The following FNIP1 variants were observed in gnomAD, a reference collection of about 807,000 sequenced individuals.
FNIP1 encodes the protein folliculin-interacting protein 1.
In FNIP1, 40 loss-of-function variants were observed where a neutral mutation model predicts 124.5. The observed-to-expected ratio is 0.32, with a 90% CI of 0.25 to 0.42. FNIP1 has a LOEUF of 0.42. FNIP1 is among the 10% of genes least tolerant of loss of function. The pLI is 1.00. For missense variants in FNIP1, 1,176 were observed against 1,403.7 expected (o/e 0.84, Z 2.59); for synonymous variants, 472 against 470.6 (o/e 1.00, Z -0.04).
intron 2 of FNIP1, among the ~76,000 whole-genome samples, chr5:131,734,580 C>T (rs941105956): frequency 3.3e-5 from 5 of 152,184 alleles, no homozygotes; most frequent in South Asian, 2.1e-4. Context: ...GGGCTAATAT[C>T]CAGAATCTAC....
Position 131,672,103 on chromosome 5 carries a change from T to A in FNIP1, c.2341A>T (p.Thr781Ser), listed in dbSNP as rs556318282. The change falls in exon 14 of 18, where the codon ACC (threonine) becomes TCC (serine). Residue 781 changes from threonine (T) to serine (S), a missense_variant. Physicochemically the swap from Thr to Ser is moderately conservative, Grantham distance 58. Transcript: ENST00000510461. ...CCTCTTTCTTCCTTCAATGGTTTGG[T>A]GTGATGTCTGGTAATCTGATCCACC... ...AVVDQITRHH[T>S]KPLKEERGAI... 15 of 1,614,212 alleles carry A rather than the reference T, an allele frequency of 9.3e-6. No homozygotes were observed. The South Asian group carries it at 1.5e-4, about 17-fold the overall frequency.
Position 131,757,346 on chromosome 5 carries a change from A to T in FNIP1, c.93-12656T>A, listed in dbSNP as rs146187294. 8.4e-3 allele frequency among the ~76,000 whole-genome samples: 1,286 copies of T among 152,308 alleles called. 24 individuals carry two copies. The highest frequency in any genetic ancestry group is 0.029 in the African/African-American group (1,198 of 41,570). ...TTAGATGTATGGGCTGCTTAAGATG[A>T]CTGCACAAAGTGATCTGGAAAGAAG... On this transcript the variant is annotated intron_variant, in intron 1 of 17. Coordinates refer to ENST00000510461, the MANE Select transcript of FNIP1 (RefSeq NM_133372.3).
At chr5:131,719,789 C>T (rs887102894) in intron 3 of FNIP1, among the ~76,000 whole-genome samples, 2 of 152,142 alleles carry the variant, frequency 1.3e-5, no homozygotes, top group African/African-American at 4.8e-5. Context: ...AATGTTTCTC[C>T]AGGATAGATA....
At chr5:131,747,483 A>G (rs1025355033) in intron 1 of FNIP1, among the ~76,000 whole-genome samples, 10 of 152,210 alleles carry the variant, frequency 6.6e-5, no homozygotes, top group African/African-American at 2.4e-4. Context: ...AACTGTTTCT[A>G]CTAAATTGTG....
At chr5:131,738,947 C>T (rs893526266) in intron 2 of FNIP1, among the ~76,000 whole-genome samples, 4 of 151,774 alleles carry the variant, frequency 2.6e-5, no homozygotes, top group African/African-American at 9.7e-5. Flanking sequence ...CTCCCAGTAG[C>T]TGGGACTACA....
At position 131,643,773 on chromosome 5, in the gene FNIP1, A is replaced by C. The variant is rs1766786474; in HGVS notation, c.*912T>G. 3.3e-5 allele frequency: 5 copies of C among 152,672 alleles called. No individual in the cohort carries two copies. The highest frequency in any genetic ancestry group is 2.6e-4 in the Admixed American group (4 of 15,284). The allele number at this position is 152,672 out of a possible 1,614,324, so 9.5% of individuals were successfully genotyped here. A position where few individuals can be genotyped will look rare whatever the true frequency, so the allele number is the denominator to read the frequency against. ...CAAAAGCAAGGGCCTTGGCTACCTG[A>C]GCACTTTTAAAGAATATAGTATTGT... is the stretch of plus-strand genomic sequence containing the variant. On this transcript the variant is annotated 3_prime_UTR_variant, in exon 18 of 18. Transcript: ENST00000510461.
At chr5:131,658,209 G>A (rs375305234) in intron 15 of FNIP1, among the ~76,000 whole-genome samples, 2 of 152,082 alleles carry the variant, frequency 1.3e-5, no homozygotes, top group East Asian at 3.8e-4. Context: ...ACAAATTGAC[G>A]TTAGACAATC....
intron 9 of FNIP1, among the ~76,000 whole-genome samples, chr5:131,704,688 A>G: frequency 6.6e-6 from 1 of 152,210 alleles, no homozygotes; most frequent in Non-Finnish European, 1.5e-5. Context: ...GAAAACAAGA[A>G]CTTTTAGTAT....
At chr5:131,719,291 T>C (rs1769576514) in intron 4 of FNIP1, 26 bp downstream of exon 4, 1 of 1,487,820 alleles carries the variant, frequency 6.7e-7, no homozygotes, top group Admixed American at 2.1e-5. Flanking sequence ...TGGGACTCGT[T>C]AAAAAAAAAT....
At position 131,643,247 on chromosome 5, in the gene FNIP1, A is replaced by G. The variant is rs1308006774; in HGVS notation, c.*1438T>C. 1.3e-5 allele frequency: 2 copies of G among 152,424 alleles called. No homozygotes were observed. Among genetic ancestry groups the G allele is most frequent in the Non-Finnish European group, 2.9e-5 (2 of 68,040 alleles). 9.4% of individuals were successfully genotyped at this position (152,424 alleles called of 1,614,324 possible). On this transcript the variant is annotated 3_prime_UTR_variant, in exon 18 of 18. Transcript: ENST00000510461. ...ATGCTGTAAATTCAAGGTCAAAGACAACTTTCCATTAACTATTGAAAATTT... is the reference window on the plus strand; with the variant it reads ...ATGCTGTAAATTCAAGGTCAAAGACGACTTTCCATTAACTATTGAAAATTT...
At chr5:131,699,931 A>G (rs1385735874) in intron 10 of FNIP1, among the ~76,000 whole-genome samples, 1 of 150,736 alleles carries the variant, frequency 6.6e-6, no homozygotes, top group Admixed American at 6.6e-5. Flanking sequence ...AAAAAAAAAA[A>G]AAAAAAGGGA....
At chr5:131,716,194 A>G (rs1286091278) in intron 6 of FNIP1, among the ~76,000 whole-genome samples, 2 of 152,232 alleles carry the variant, frequency 1.3e-5, no homozygotes, top group African/African-American at 4.8e-5. Context: ...ATGGTTATGG[A>G]AGACAGAAGG....
At chr5:131,682,268 A>G (rs1301869431) in intron 11 of FNIP1, among the ~76,000 whole-genome samples, 1 of 152,232 alleles carries the variant, frequency 6.6e-6, no homozygotes, top group East Asian at 1.9e-4. Flanking sequence ...TAGTGGTCCA[A>G]TGAGAGCCTT....
chr5:131,692,057 A>C (rs1768498436), intron 11 of FNIP1, among the ~76,000 whole-genome samples: 1 of 152,210 alleles, frequency 6.6e-6, no homozygotes, highest in African/African-American at 2.4e-5. Context: ...GAAGGAAGGA[A>C]AGAAGGAAGA....
Position 131,641,957 on chromosome 5 carries a change from T to C in FNIP1, c.*2728A>G, listed in dbSNP as rs1435469556. The C allele has an allele frequency of 1.3e-5, 2 of 152,818 alleles. No homozygotes were observed. The highest frequency in any genetic ancestry group is 6.5e-5 in the Admixed American group (1 of 15,292). 9.5% of individuals were successfully genotyped at this position (152,818 alleles called of 1,614,324 possible). On this transcript the variant is annotated 3_prime_UTR_variant, in exon 18 of 18. Transcript: ENST00000510461. Reference sequence around the variant, plus strand: ...GCCAATTGGAACAAAACAAAATCTGTACTAGTATGTTTTTATTGCACTTAA... The same window carrying C: ...GCCAATTGGAACAAAACAAAATCTGCACTAGTATGTTTTTATTGCACTTAA...
intron 16 of FNIP1, among the ~76,000 whole-genome samples, chr5:131,647,805 G>A (rs929771846): frequency 6.6e-6 from 1 of 151,960 alleles, no homozygotes; most frequent in Admixed American, 6.6e-5. Context: ...ATACTTCAGT[G>A]GCACTAAGTA....
At chr5:131,681,086 C>T (rs1768062258) in intron 11 of FNIP1, among the ~76,000 whole-genome samples, 1 of 152,114 alleles carries the variant, frequency 6.6e-6, no homozygotes, top group South Asian at 2.1e-4. Flanking sequence ...CTCCACTTCC[C>T]CAGAAAATGA....
intron 8 of FNIP1, 43 bp from the exon 9 acceptor site, chr5:131,706,589 A>T: frequency 7.0e-7 from 1 of 1,435,150 alleles, no homozygotes; most frequent in Non-Finnish European, 9.2e-7. Context: ...AATAATGACT[A>T]AGCATAATGA....
intron 16 of FNIP1, among the ~76,000 whole-genome samples, chr5:131,648,772 C>T (rs1766963218): frequency 6.6e-6 from 1 of 152,160 alleles, no homozygotes; most frequent in East Asian, 1.9e-4. Flanking sequence ...CTCATCATCT[C>T]AAACAAAAAC....
Sources: allele counts gnomAD v4.1 joint callset (sites outside exome capture counted in the v4.1 genomes callset), GRCh38; gene constraint gnomAD v4.1.1; transcripts MANE v1.5; gene names NCBI Gene and HGNC (gene_info 2026-07-23, HGNC 2026-07-21).